The following LIN52 variants were observed in gnomAD, a reference collection of about 807,000 sequenced individuals.
LIN52 encodes lin-52 DREAM MuvB core complex component, also known as protein lin-52 homolog.
LIN52 carries 4 observed loss-of-function variants against 18.5 expected under a neutral mutation model. The observed-to-expected ratio is 0.22, with a 90% CI of 0.11 to 0.49. The LOEUF (loss-of-function observed/expected upper bound fraction) is 0.49. Ranked by LOEUF, LIN52 falls within the 20% of genes least tolerant of loss-of-function variation. The pLI, the probability that LIN52 is intolerant of heterozygous loss-of-function variation, is 0.97. For missense variants in LIN52, 102 were observed against 139.5 expected, an observed-to-expected ratio of 0.73 and a Z score of 1.35; for synonymous variants, 34 against 45.5, an observed-to-expected ratio of 0.75 and a Z score of 1.02.
chr14:74,156,879 G>T (rs763459039), intron 5 of LIN52, among the ~76,000 whole-genome samples: 17 of 152,004 alleles, frequency 1.1e-4, no homozygotes, highest in Middle Eastern at 3.2e-3. Flanking sequence ...TTTTACATAT[G>T]AGTGAGAACA....
chr14:74,139,130 A>G (rs2061114939), intron 5 of LIN52, among the ~76,000 whole-genome samples: 1 of 152,176 alleles, frequency 6.6e-6, no homozygotes, highest in Non-Finnish European at 1.5e-5. Flanking sequence ...TAAAAAAGGG[A>G]TCCCACACAG....
intron 5 of LIN52, among the ~76,000 whole-genome samples, chr14:74,185,309 C>CTTTTTTTTTTTTTTTTTTT (rs71115969): frequency 2.5e-5 from 2 of 78,786 alleles, no homozygotes; most frequent in Non-Finnish European, 4.4e-5. Context: ...ATAATGATTT[C>CTTTTTTTTTTTTTTTTTTT]TTTTTTTTTT....
chr14:74,092,895 C>T (rs1046247075), intron 2 of LIN52, among the ~76,000 whole-genome samples: 1 of 151,438 alleles, frequency 6.6e-6, no homozygotes, highest in South Asian at 2.1e-4. Context: ...CGAGCCTGGG[C>T]AACAGAGAAA....
chr14:74,111,648 A>ATTTT (rs1413612465), intron 5 of LIN52, among the ~76,000 whole-genome samples: 1 of 133,498 alleles, frequency 7.5e-6, no homozygotes, highest in Non-Finnish European at 1.7e-5. Context: ...TTATTTATTT[A>ATTTT]TTTTTGTGGG....
intron 5 of LIN52, among the ~76,000 whole-genome samples, chr14:74,185,602 C>T (rs566150482): frequency 5.4e-4 from 82 of 152,114 alleles, no homozygotes; most frequent in Non-Finnish European, 9.7e-4. Context: ...CATGAGCCAC[C>T]GCGCCCAGCC....
intron 1 of LIN52, among the ~76,000 whole-genome samples, chr14:74,086,698 G>C (rs1428087754): frequency 6.6e-6 from 1 of 152,022 alleles, no homozygotes. Context: ...GATGTTTGGA[G>C]TCAAAAGAGA....
intron 5 of LIN52, among the ~76,000 whole-genome samples, chr14:74,131,917 G>C (rs2061070524): frequency 6.6e-6 from 1 of 152,170 alleles, no homozygotes; most frequent in Non-Finnish European, 1.5e-5. Flanking sequence ...CTTAGAGATA[G>C]AGTCACAACC....
chr14:74,145,273 T>C (rs139557067), intron 5 of LIN52, among the ~76,000 whole-genome samples: 1 of 152,360 alleles, frequency 6.6e-6, no homozygotes, highest in Non-Finnish European at 1.5e-5. Context: ...TGCCAACTCA[T>C]CTGTGAGTCT....
intron 2 of LIN52, 93 bp from the exon 3 acceptor site, chr14:74,095,855 G>A: frequency 2.6e-6 from 2 of 772,130 alleles, no homozygotes; most frequent in South Asian, 3.5e-5. Context: ...TAAACTATAA[G>A]AAAACAGACA....
At chr14:74,188,239 C>A (rs868285465) in intron 5 of LIN52, among the ~76,000 whole-genome samples, 54 of 152,034 alleles carry the variant, frequency 3.6e-4, no homozygotes, top group African/African-American at 1.2e-3. Flanking sequence ...TATTCCCTGG[C>A]TTAAAGAAAA....
rs144681101 is a variant in LIN52, at chr14:74,131,057, G to C, written c.283+29819G>C. ...CTGCCTTGGCCTCCCAAAGTGCTAG[G>C]ATTACAGGTGTGAGCCACGTCACCC... is the stretch of plus-strand genomic sequence containing the variant. On this transcript the variant is annotated intron_variant, in intron 5 of 5. Coordinates refer to ENST00000555028, the MANE Select transcript of LIN52 (RefSeq NM_001024674.3). Among the ~76,000 whole-genome samples, 142 of 152,138 alleles carry C rather than the reference G, an allele frequency of 9.3e-4. 1 individual carries two copies. The Middle Eastern group carries it at 0.01, about 11-fold the overall frequency.
chr14:74,198,326 G>A (rs185972729), intron 5 of LIN52, among the ~76,000 whole-genome samples: 1 of 152,114 alleles, frequency 6.6e-6, no homozygotes, highest in Non-Finnish European at 1.5e-5. Context: ...ACCTTGGCTG[G>A]CTATATTAAA....
intron 5 of LIN52, among the ~76,000 whole-genome samples, chr14:74,198,630 A>G (rs1038440489): frequency 6.6e-6 from 1 of 152,214 alleles, no homozygotes; most frequent in African/African-American, 2.4e-5. Flanking sequence ...AGAGACAGAG[A>G]TAGGTTTTGG....
chr14:74,155,758 G>C (rs532292474), intron 5 of LIN52, among the ~76,000 whole-genome samples: 11 of 152,204 alleles, frequency 7.2e-5, no homozygotes, highest in Non-Finnish European at 1.2e-4. Flanking sequence ...AGGCTAGCTT[G>C]TGGGGTTTAC....
At chr14:74,155,033 T>A (rs2061193711) in intron 5 of LIN52, among the ~76,000 whole-genome samples, 1 of 152,156 alleles carries the variant, frequency 6.6e-6, no homozygotes, top group South Asian at 2.1e-4. Context: ...CAGAAAGCAA[T>A]CAAATAAGTA....
chr14:74,164,980 C>T (rs754308980), intron 5 of LIN52, among the ~76,000 whole-genome samples: 5 of 152,076 alleles, frequency 3.3e-5, no homozygotes, highest in African/African-American at 4.8e-5. Flanking sequence ...TGATTTACCA[C>T]GTTTCAATAT....
At chr14:74,197,703 G>A (rs1319640140) in intron 5 of LIN52, among the ~76,000 whole-genome samples, 2 of 152,206 alleles carry the variant, frequency 1.3e-5, no homozygotes, top group Admixed American at 1.3e-4. Context: ...TTGGGGCACA[G>A]GAACTAGTGA....
At chr14:74,157,035 C>T (rs202125603) in intron 5 of LIN52, among the ~76,000 whole-genome samples, 6 of 138,308 alleles carry the variant, frequency 4.3e-5, no homozygotes, top group Non-Finnish European at 7.7e-5. Flanking sequence ...TTTTCTTTTT[C>T]TTTTTTTTTT....
intron 5 of LIN52, among the ~76,000 whole-genome samples, chr14:74,109,462 C>T (rs2060914623): frequency 6.6e-6 from 1 of 152,094 alleles, no homozygotes; most frequent in Non-Finnish European, 1.5e-5. Flanking sequence ...AGAGACCCTG[C>T]CTCAAAACAA....
Sources: allele counts gnomAD v4.1 joint callset (sites outside exome capture counted in the v4.1 genomes callset), GRCh38; gene constraint gnomAD v4.1.1; transcripts MANE v1.5; gene names NCBI Gene and HGNC (gene_info 2026-07-23, HGNC 2026-07-21).